The following RALA variants were observed in gnomAD, a reference collection of about 807,000 sequenced individuals.
RALA encodes ras-related protein Ral-A.
Under a neutral mutation model 24.0 loss-of-function variants are expected in RALA, and 5 were observed. The ratio of observed to expected loss-of-function variants is 0.21; its 90% CI spans 0.11 to 0.44. The LOEUF is 0.44. RALA is among the 20% of genes least tolerant of loss of function. RALA has a pLI of 0.99. For synonymous variants in RALA, 77 were observed against 83.8 expected (o/e 0.92, Z 0.44); for missense variants, 95 against 241.2 (o/e 0.39, Z 4.01).
Position 39,707,601 on chromosome 7 carries a change from ATTT to A in RALA, c.*1366_*1368del, listed in dbSNP as rs146731588. ...TCAGTGGGAAATATGCCACTGACCG[ATTT>A]TTTTTTTTTCCTCTTTGCAGTGGGG... is the stretch of plus-strand genomic sequence containing the variant. On this transcript the variant is annotated 3_prime_UTR_variant, in exon 5 of 5. Coordinates refer to ENST00000005257, the MANE Select transcript of RALA (RefSeq NM_005402.4). 4,256 of 148,240 alleles carry A rather than the reference ATTT, an allele frequency of 0.029. 92 individuals carry two copies. The highest frequency in any genetic ancestry group is 0.09 in the Middle Eastern group (26 of 288). 9.2% of individuals were successfully genotyped at this position (148,240 alleles called of 1,614,324 possible). A position where few individuals can be genotyped will look rare whatever the true frequency, so the allele number is the denominator to read the frequency against.
Position 39,697,124 on chromosome 7 carries a change from C to T in RALA, c.498+265C>T, listed in dbSNP as rs533297641. Among the ~76,000 whole-genome samples, 181 of 152,138 alleles carry T rather than the reference C, an allele frequency of 1.2e-3. 1 individual carries two copies. The highest frequency in any genetic ancestry group is 4.0e-3 in the African/African-American group (168 of 41,504). ...CACTGATGGCATTCCTGACTTTTTTCCCCCCTTATCCTATTGAGTCTTTGG... is the reference window on the plus strand; with the variant it reads ...CACTGATGGCATTCCTGACTTTTTTTCCCCCTTATCCTATTGAGTCTTTGG... On this transcript the variant is annotated intron_variant, in intron 4 of 4. Transcript: ENST00000005257.
chr7:39,660,510 T>C (rs954917336), intron 1 of RALA, among the ~76,000 whole-genome samples: 2 of 152,334 alleles, frequency 1.3e-5, no homozygotes, highest in Middle Eastern at 3.4e-3. Context: ...CTTTTTTTAA[T>C]GAATTTGCCT....
At chr7:39,654,617 A>T (rs941020968) in intron 1 of RALA, among the ~76,000 whole-genome samples, 6 of 152,218 alleles carry the variant, frequency 3.9e-5, no homozygotes, top group African/African-American at 1.4e-4. Context: ...TCGAATGCCT[A>T]ACCCAAGGTC....
chr7:39,639,168 G>T (rs925345245), intron 1 of RALA, among the ~76,000 whole-genome samples: 2 of 152,104 alleles, frequency 1.3e-5, no homozygotes, highest in African/African-American at 4.8e-5. Flanking sequence ...CATATTTCTG[G>T]TCACAAAAAC....
At chr7:39,626,480 G>A (rs1484041224) in intron 1 of RALA, among the ~76,000 whole-genome samples, 1 of 152,224 alleles carries the variant, frequency 6.6e-6, no homozygotes, top group East Asian at 1.9e-4. Flanking sequence ...GCTTCAGGAA[G>A]GTGAAGATAC....
chr7:39,684,451 A>C (rs1792659955), intron 1 of RALA, among the ~76,000 whole-genome samples: 1 of 152,128 alleles, frequency 6.6e-6, no homozygotes, highest in Admixed American at 6.6e-5. Context: ...TATATTGGGC[A>C]AGCAGGCATA....
chr7:39,636,391 T>G (rs1460630268), intron 1 of RALA, among the ~76,000 whole-genome samples: 1 of 152,256 alleles, frequency 6.6e-6, no homozygotes. Flanking sequence ...ATCTTTTTTA[T>G]TATAGCCATT....
At chr7:39,663,695 T>C (rs889184922) in intron 1 of RALA, among the ~76,000 whole-genome samples, 1 of 152,128 alleles carries the variant, frequency 6.6e-6, no homozygotes, top group Admixed American at 6.6e-5. Flanking sequence ...CACAAAAGCT[T>C]TGCATTTGTT....
chr7:39,658,739 T>A (rs1420872163), intron 1 of RALA, among the ~76,000 whole-genome samples: 1 of 151,962 alleles, frequency 6.6e-6, no homozygotes, highest in Non-Finnish European at 1.5e-5. Context: ...CTAGGCTATT[T>A]TTAGTTTTTT....
intron 1 of RALA, among the ~76,000 whole-genome samples, chr7:39,628,578 C>G (rs959467709): frequency 6.6e-6 from 1 of 152,152 alleles, no homozygotes; most frequent in Admixed American, 6.6e-5. Context: ...TTTTTTGAGA[C>G]GGAGTCTCGC....
chr7:39,658,809 C>A (rs371038372), intron 1 of RALA, among the ~76,000 whole-genome samples: 2 of 151,332 alleles, frequency 1.3e-5, no homozygotes, highest in East Asian at 3.9e-4. Flanking sequence ...CCTCAAAATC[C>A]TGGGATCAAG....
At chr7:39,671,721 A>G (rs576734275) in intron 1 of RALA, among the ~76,000 whole-genome samples, 84 of 149,208 alleles carry the variant, frequency 5.6e-4, no homozygotes, top group African/African-American at 2.0e-3. Flanking sequence ...ACCATCTTTA[A>G]GCCATCAACT....
chr7:39,693,632 C>T (rs1023529243), intron 3 of RALA, among the ~76,000 whole-genome samples: 19 of 152,184 alleles, frequency 1.2e-4, no homozygotes, highest in African/African-American at 4.6e-4. Flanking sequence ...AAGAAAGTCA[C>T]AGCACGCCCT....
At chr7:39,674,093 T>C (rs1239276739) in intron 1 of RALA, among the ~76,000 whole-genome samples, 1 of 138,406 alleles carries the variant, frequency 7.2e-6, no homozygotes, top group African/African-American at 2.7e-5. Flanking sequence ...AAATAAAAGG[T>C]TGAGGGGGGG....
intron 3 of RALA, among the ~76,000 whole-genome samples, chr7:39,690,801 G>T (rs761045198): frequency 6.6e-6 from 1 of 152,182 alleles, no homozygotes; most frequent in Non-Finnish European, 1.5e-5. Context: ...CTCTCCCGGT[G>T]TCACCTGTAT....
chr7:39,651,938 A>G (rs1300559808), intron 1 of RALA, among the ~76,000 whole-genome samples: 1 of 152,224 alleles, frequency 6.6e-6, no homozygotes, highest in African/African-American at 2.4e-5. Context: ...ATGGATAATC[A>G]TGACACTGAT....
At position 39,706,860 on chromosome 7, in the gene RALA, A is replaced by G. The variant is rs1793128605; in HGVS notation, c.*615A>G. On this transcript the variant is annotated 3_prime_UTR_variant, in exon 5 of 5. Transcript: ENST00000005257. The stretch of plus-strand genomic sequence containing the variant: ...AATATGCCTTAATTTAGAAACTGAA[A>G]AATATCTGGTTATATCATTCTGGGT... 1 of 152,754 alleles carries G rather than the reference A, an allele frequency of 6.5e-6. No homozygotes were observed. The highest frequency in any genetic ancestry group is 1.5e-5 in the Non-Finnish European group (1 of 68,180). 9.5% of individuals were successfully genotyped at this position (152,754 alleles called of 1,614,324 possible).
intron 1 of RALA, among the ~76,000 whole-genome samples, chr7:39,641,745 G>C (rs1791821500): frequency 6.6e-6 from 1 of 151,978 alleles, no homozygotes; most frequent in African/African-American, 2.4e-5. Flanking sequence ...TGTGGATGGT[G>C]ATGGTGATGG....
chr7:39,632,091 G>A (rs1583703033), intron 1 of RALA, among the ~76,000 whole-genome samples: 1 of 152,314 alleles, frequency 6.6e-6, no homozygotes, highest in South Asian at 2.1e-4. Context: ...ATTACTGTGA[G>A]GACAGCACCA....
Sources: gnomAD v4.1 joint callset for allele counts (sites outside exome capture counted in the v4.1 genomes callset) on GRCh38, gnomAD v4.1.1 for gene constraint, MANE v1.5 for transcripts, NCBI Gene and HGNC (gene_info 2026-07-23, HGNC 2026-07-21) for gene names.